Variants in AGBL4 observed in about 807,000 individuals in gnomAD.
AGBL4 encodes AGBL carboxypeptidase 4, also known as cytosolic carboxypeptidase 6.
A neutral mutation model predicts 66.4 loss-of-function variants in AGBL4; 58 were observed. The ratio of observed to expected loss-of-function variants is 0.87; its 90% CI spans 0.71 to 1.09. The LOEUF is 1.09. Ranked by LOEUF, AGBL4 falls within the 50% of genes least tolerant of loss-of-function variation. AGBL4 has a pLI of 0.00. For synonymous variants in AGBL4, 234 were observed against 222.9 expected, an observed-to-expected ratio of 1.05 and a Z score of -0.44; for missense variants, 579 against 631.0, an observed-to-expected ratio of 0.92 and a Z score of 0.88.
chr1:49,589,405 T>C (rs1644711178), intron 3 of AGBL4, among the ~76,000 whole-genome samples: 1 of 152,102 alleles, frequency 6.6e-6, no homozygotes, highest in African/African-American at 2.4e-5. Flanking sequence ...CCTTTTTCAC[T>C]ATACCATAGC....
intron 3 of AGBL4, among the ~76,000 whole-genome samples, chr1:49,501,422 T>C (rs544956516): frequency 1.7e-4 from 26 of 152,286 alleles, no homozygotes; most frequent in African/African-American, 6.0e-4. Flanking sequence ...GTTAGTCCTG[T>C]CTCCTATCTG....
At chr1:49,873,595 CTGAGT>C (rs1646892371) in intron 1 of AGBL4, among the ~76,000 whole-genome samples, 1 of 152,102 alleles carries the variant, frequency 6.6e-6, no homozygotes, top group Non-Finnish European at 1.5e-5. Flanking sequence ...TGCTGATTTA[CTGAGT>C]GTGAGACAAA....
At position 49,778,010 on chromosome 1, in the gene AGBL4, G is replaced by T. The variant is rs551192295; in HGVS notation, c.157+73386C>A. 7.2e-5 allele frequency among the ~76,000 whole-genome samples: 11 copies of T among 152,244 alleles called. No individual in the cohort carries two copies. The South Asian group carries it at 1.7e-3, about 23-fold the overall frequency. ...TGTCTCTCTCCCCAGCTCTCATCTAGTTTCACCCTGGCAGGGGAAGATCAT... is the reference window on the plus strand; with the variant it reads ...TGTCTCTCTCCCCAGCTCTCATCTATTTTCACCCTGGCAGGGGAAGATCAT... On this transcript the variant is annotated intron_variant, in intron 2 of 13. Transcript: ENST00000371839.
At chr1:49,639,394 A>T (rs2124397607) in intron 3 of AGBL4, among the ~76,000 whole-genome samples, 1 of 152,350 alleles carries the variant, frequency 6.6e-6, no homozygotes, top group South Asian at 2.1e-4. Flanking sequence ...TAACAACTTG[A>T]TAAGGGAAAT....
chr1:49,211,090 T>C (rs1483711803), intron 4 of AGBL4, among the ~76,000 whole-genome samples: 2 of 152,050 alleles, frequency 1.3e-5, no homozygotes, highest in African/African-American at 4.8e-5. Flanking sequence ...AGGCAAGATG[T>C]CTCTCAGGGA....
chr1:49,293,425 C>A (rs1644582089), intron 3 of AGBL4, among the ~76,000 whole-genome samples: 1 of 152,092 alleles, frequency 6.6e-6, no homozygotes, highest in South Asian at 2.1e-4. Context: ...AGGTTTCTGG[C>A]CAGAAAAACA....
intron 3 of AGBL4, among the ~76,000 whole-genome samples, chr1:49,450,199 A>G (rs1646247980): frequency 1.3e-5 from 2 of 152,120 alleles, no homozygotes; most frequent in South Asian, 4.1e-4. Context: ...TGAGTTTAGA[A>G]AAATCTAAGA....
chr1:49,744,846 G>A (rs1650861208), intron 2 of AGBL4, among the ~76,000 whole-genome samples: 1 of 152,026 alleles, frequency 6.6e-6, no homozygotes, highest in South Asian at 2.1e-4. Flanking sequence ...AACTTAAGTT[G>A]CTATTAATTT....
At chr1:48,848,227 T>G (rs917287992) in intron 6 of AGBL4, among the ~76,000 whole-genome samples, 3 of 152,246 alleles carry the variant, frequency 2.0e-5, no homozygotes, top group African/African-American at 7.2e-5. Flanking sequence ...CATGTCAGTT[T>G]CCTTTCCAAG....
At chr1:49,479,548 C>T (rs950429702) in intron 3 of AGBL4, among the ~76,000 whole-genome samples, 10 of 151,712 alleles carry the variant, frequency 6.6e-5, no homozygotes, top group Non-Finnish European at 1.0e-4. Flanking sequence ...TAAGTGAGAA[C>T]GTGGGGTATT....
chr1:49,564,460 C>T (rs975201496), intron 3 of AGBL4, among the ~76,000 whole-genome samples: 2 of 152,072 alleles, frequency 1.3e-5, no homozygotes, highest in Non-Finnish European at 2.9e-5. Context: ...ATAAATTTCC[C>T]TCTACACACT....
At chr1:49,596,135 G>A (rs1273824585) in intron 3 of AGBL4, among the ~76,000 whole-genome samples, 2 of 152,146 alleles carry the variant, frequency 1.3e-5, no homozygotes, top group Non-Finnish European at 1.5e-5. Context: ...AGGAGCCTGT[G>A]ACCACAATAG....
chr1:49,249,169 A>C (rs529972302), intron 3 of AGBL4, among the ~76,000 whole-genome samples: 1 of 152,300 alleles, frequency 6.6e-6, no homozygotes, highest in African/African-American at 2.4e-5. Flanking sequence ...TTGTCCAATC[A>C]TAAGTACATT....
In AGBL4 at chr1:49,855,962, GT is replaced by G. The variant is rs369421937; in HGVS notation, c.35-4445del. 3.2e-4 allele frequency among the ~76,000 whole-genome samples: 49 copies of G among 151,992 alleles called. 1 individual carries two copies. The South Asian group carries it at 9.3e-3, about 29-fold the overall frequency. ...AAAGGATAAGCAGAATTAAAAGGTG[GT>G]TTTTTGAAAAGATAAAATCGATAAA... On this transcript the variant is annotated intron_variant, in intron 1 of 13. Coordinates refer to ENST00000371839, the MANE Select transcript of AGBL4 (RefSeq NM_032785.4).
At chr1:49,391,051 C>T (rs1019537553) in intron 3 of AGBL4, among the ~76,000 whole-genome samples, 1 of 152,004 alleles carries the variant, frequency 6.6e-6, no homozygotes, top group African/African-American at 2.4e-5. Flanking sequence ...GAAAAGAGTG[C>T]TGAAGGAAGA....
rs151179489 is a variant in AGBL4 at position 49,253,595 on chromosome 1, A to G, written c.283-7731T>C. ...TTCACAGCTGAATTCTAGCAGATGT[A>G]CAAAGAAGTGTTACCATTCCTACTG... On this transcript the variant is annotated intron_variant, in intron 3 of 13. Coordinates refer to ENST00000371839, the MANE Select transcript of AGBL4 (RefSeq NM_032785.4). Among the ~76,000 whole-genome samples the G allele has an allele frequency of 4.0e-4, 61 of 152,292 alleles. 1 individual carries two copies. The highest frequency in any genetic ancestry group is 1.4e-3 in the African/African-American group (58 of 41,564).
At chr1:48,538,125 G>A (rs1157848579) in intron 12 of AGBL4, among the ~76,000 whole-genome samples, 1 of 152,200 alleles carries the variant, frequency 6.6e-6, no homozygotes, top group East Asian at 1.9e-4. Context: ...AACAATCTGG[G>A]ACAGGGTATC....
intron 6 of AGBL4, among the ~76,000 whole-genome samples, chr1:48,721,582 C>T (rs2148533322): frequency 6.6e-6 from 1 of 152,302 alleles, no homozygotes; most frequent in South Asian, 2.1e-4. Context: ...GGCCCGGACT[C>T]CTCACAGAAC....
intron 1 of AGBL4, among the ~76,000 whole-genome samples, chr1:49,961,171 GGTA>G: frequency 6.6e-6 from 1 of 152,084 alleles, no homozygotes; most frequent in Admixed American, 6.6e-5. Context: ...ATAGAAAATA[GGTA>G]GGTTTTATAA....
Sources: allele counts gnomAD v4.1 joint callset (sites outside exome capture counted in the v4.1 genomes callset), GRCh38; gene constraint gnomAD v4.1.1; transcripts MANE v1.5; gene names NCBI Gene and HGNC (gene_info 2026-07-23, HGNC 2026-07-21).